Variants in TASP1 observed in about 807,000 individuals in gnomAD.
TASP1 encodes the protein threonine aspartase 1.
Under a neutral mutation model 56.6 loss-of-function variants are expected in TASP1, and 16 were observed. The observed-to-expected ratio is 0.28, with a 90% confidence interval of 0.19 to 0.43. TASP1 has a LOEUF of 0.43. Ranked by LOEUF, TASP1 falls within the 20% of genes least tolerant of loss-of-function variation. The pLI, the probability that TASP1 is intolerant of heterozygous loss-of-function variation, is 1.00. For missense variants in TASP1, 393 were observed against 511.6 expected (o/e 0.77, Z 2.24); for synonymous variants, 179 against 184.2 (o/e 0.97, Z 0.23).
Position 13,439,472 on chromosome 20 carries a change from C to G in TASP1, c.986-4318G>C, listed in dbSNP as rs112869276. Among the ~76,000 whole-genome samples the G allele has an allele frequency of 2.0e-4, 31 of 151,996 alleles. 3 individuals are homozygous for G. Among genetic ancestry groups the G allele is most frequent in the African/African-American group, 7.2e-4 (30 of 41,428 alleles). On this transcript the variant is annotated intron_variant, in intron 11 of 13. Transcript: ENST00000337743. ...ATTGAACAATGAGAACACATGGACA[C>G]AGGAAGGGGAACATCACACACCGGG...
the TASP1 span, among the ~76,000 whole-genome samples, chr20:13,365,815 T>C: frequency 6.6e-6 from 1 of 152,148 alleles, no homozygotes; most frequent in African/African-American, 2.4e-5. Flanking sequence ...TTTATGTGTC[T>C]TACGAAGTCT....
At chr20:13,309,784 A>T in the TASP1 span, among the ~76,000 whole-genome samples, 1 of 152,170 alleles carries the variant, frequency 6.6e-6, no homozygotes, top group Non-Finnish European at 1.5e-5. Context: ...AAAATCAGCA[A>T]TGTTTCTATA....
the TASP1 span, among the ~76,000 whole-genome samples, chr20:13,150,440 AT>A: frequency 6.6e-6 from 1 of 152,160 alleles, no homozygotes; most frequent in Non-Finnish European, 1.5e-5. Flanking sequence ...AGAATTGGGG[AT>A]TTTGAAAGGA....
intron 1 of TASP1, among the ~76,000 whole-genome samples, chr20:13,636,482 G>A (rs770523179): frequency 2.6e-5 from 4 of 151,846 alleles, no homozygotes; most frequent in African/African-American, 7.3e-5. Flanking sequence ...TTTTAACATC[G>A]TGATATTGAA....
At chr20:13,248,237 A>C in the TASP1 span, among the ~76,000 whole-genome samples, 7 of 152,170 alleles carry the variant, frequency 4.6e-5, no homozygotes, top group African/African-American at 1.4e-4. Context: ...CTTTATGAAC[A>C]TTTCTTGTTG....
the TASP1 span, among the ~76,000 whole-genome samples, chr20:13,296,443 A>G: frequency 6.6e-6 from 1 of 152,224 alleles, no homozygotes; most frequent in African/African-American, 2.4e-5. Context: ...GAGGCAAGGG[A>G]TGTTATCTCC....
the TASP1 span, among the ~76,000 whole-genome samples, chr20:13,264,322 T>C: frequency 6.6e-6 from 1 of 152,218 alleles, no homozygotes; most frequent in East Asian, 1.9e-4. Context: ...TACTGATTTG[T>C]GCCTCTTCTG....
At chr20:13,443,358 C>T (rs1246934171) in intron 11 of TASP1, among the ~76,000 whole-genome samples, 1 of 152,136 alleles carries the variant, frequency 6.6e-6, no homozygotes, top group Non-Finnish European at 1.5e-5. Context: ...ACTGCTTAAG[C>T]GCTTTCTATA....
At chr20:13,227,161 T>C in the TASP1 span, among the ~76,000 whole-genome samples, 41 of 152,310 alleles carry the variant, frequency 2.7e-4, no homozygotes, top group Middle Eastern at 6.8e-3. Flanking sequence ...TTTTCCAACC[T>C]TTATTTTCAA....
chr20:13,291,388 T>A, the TASP1 span, among the ~76,000 whole-genome samples: 9 of 152,224 alleles, frequency 5.9e-5, no homozygotes, highest in African/African-American at 2.2e-4. Flanking sequence ...CTCCCTGGCC[T>A]GGCAGTTATT....
the TASP1 span, among the ~76,000 whole-genome samples, chr20:13,142,258 G>T: frequency 3.3e-5 from 5 of 152,182 alleles, no homozygotes; most frequent in African/African-American, 1.2e-4. Flanking sequence ...CCTTCCAGCC[G>T]TCCCACAAAC....
At chr20:13,569,675 G>A (rs992017528) in intron 6 of TASP1, 89 bp from the exon 7 acceptor site, 14 of 1,140,994 alleles carry the variant, frequency 1.2e-5, no homozygotes, top group Admixed American at 6.3e-5. Context: ...AGGCAGTTGA[G>A]AAAAAGTCTT....
At chr20:13,506,131 A>G (rs1360727571) in intron 10 of TASP1, among the ~76,000 whole-genome samples, 1 of 152,188 alleles carries the variant, frequency 6.6e-6, no homozygotes, top group African/African-American at 2.4e-5. Flanking sequence ...ATATGCTAAC[A>G]AATTAGATAA....
intron 11 of TASP1, among the ~76,000 whole-genome samples, chr20:13,479,112 C>T (rs2043044248): frequency 6.6e-6 from 1 of 151,826 alleles, no homozygotes; most frequent in African/African-American, 2.4e-5. Flanking sequence ...TGAGGGAAAG[C>T]CATAAATATA....
intron 11 of TASP1, among the ~76,000 whole-genome samples, chr20:13,482,012 T>G (rs1304444387): frequency 6.6e-6 from 1 of 151,928 alleles, no homozygotes; most frequent in East Asian, 1.9e-4. Context: ...GTCCTAGAGA[T>G]TTTCCCCAGT....
the TASP1 span, among the ~76,000 whole-genome samples, chr20:13,251,863 A>G: frequency 6.6e-6 from 1 of 152,156 alleles, no homozygotes; most frequent in Admixed American, 6.6e-5. Flanking sequence ...TAGTAACTGA[A>G]TACCCAGGAC....
the TASP1 span, among the ~76,000 whole-genome samples, chr20:13,321,213 A>G: frequency 6.7e-6 from 1 of 149,832 alleles, no homozygotes; most frequent in African/African-American, 2.5e-5. Context: ...AAAACAATAA[A>G]AAGAGATCGT....
At chr20:13,618,278 T>C (rs1449993671) in intron 4 of TASP1, among the ~76,000 whole-genome samples, 1 of 151,972 alleles carries the variant, frequency 6.6e-6, no homozygotes, top group African/African-American at 2.4e-5. Flanking sequence ...CCAGGTGTGG[T>C]GGCGCACGCC....
chr20:13,223,774 C>T, the TASP1 span, among the ~76,000 whole-genome samples: 8 of 152,036 alleles, frequency 5.3e-5, no homozygotes, highest in East Asian at 1.9e-4. Flanking sequence ...TCTAACACTG[C>T]GGAGATAATT....
Sources: gnomAD v4.1 joint callset for allele counts (sites outside exome capture counted in the v4.1 genomes callset) on GRCh38, gnomAD v4.1.1 for gene constraint, MANE v1.5 for transcripts, NCBI Gene and HGNC (gene_info 2026-07-23, HGNC 2026-07-21) for gene names.